The following TTN variants were observed in gnomAD, a reference collection of about 807,000 sequenced individuals.
TTN encodes connectin.
In TTN, 1,525 loss-of-function variants were observed where a neutral mutation model predicts 3,223.0. The observed-to-expected ratio is 0.47, with a 90% CI of 0.45 to 0.49. TTN has a LOEUF of 0.49. Ranked by LOEUF, TTN falls within the 20% of genes least tolerant of loss-of-function variation. The pLI is 0.00. For missense variants in TTN, 40,786 were observed against 43,424.0 expected, an observed-to-expected ratio of 0.94 and a Z score of 5.40; for synonymous variants, 14,094 against 15,161.0, an observed-to-expected ratio of 0.93 and a Z score of 5.17.
intron 47 of TTN, chr2:178,745,512 T>A (rs955842490): frequency 2.0e-5 from 31 of 1,585,080 alleles, no homozygotes; most frequent in Non-Finnish European, 2.6e-5. Flanking sequence ...GTTTATTAGA[T>A]CCACATAATT....
rs773463426 is a variant in TTN, at chr2:178,729,524, A to G, written c.18632T>C (p.Val6211Ala). 1 of 1,613,462 alleles carries G rather than the reference A, an allele frequency of 6.2e-7. No individual in the cohort carries two copies. Among genetic ancestry groups the G allele is most frequent in the Admixed American group, 1.7e-5 (1 of 59,972 alleles). ...CTCCAGCTCCACGTCACTATATTTT[A>G]CTACCTCCACAGGCTTCAGCTCTCT... ...FIRELKPVEV[V>A]KYSDVELECE... Residue 6211 changes from valine (V) to alanine (A), a missense_variant, in exon 64 of 363, where the codon GTA (valine) becomes GCA (alanine). By Grantham distance (64) the Val-to-Ala change is moderately conservative (BLOSUM62 0). Coordinates refer to ENST00000589042, the MANE Select transcript of TTN (RefSeq NM_001267550.2).
In TTN at chr2:178,728,715, A is replaced by T. The variant is rs761417755; in HGVS notation, c.19211T>A (p.Leu6404Ter). 6.2e-7 allele frequency: 1 copy of T among 1,612,652 alleles called. No individual in the cohort carries two copies. Among genetic ancestry groups the T allele is most frequent in the Non-Finnish European group, 8.5e-7 (1 of 1,178,866 alleles). ...TGGTGTTCCAGCCACAACACATTCC[A>T]AGGTCATGGGATCTTTCTCCGTAAC... ...VDVTEKDPMT[L>*]ECVVAGTPEL... Residue 6404 changes from leucine (L) to a stop codon, truncating the protein, a stop_gained, in exon 66 of 363, where the codon TTG becomes TAG. Coordinates refer to ENST00000589042, the MANE Select transcript of TTN (RefSeq NM_001267550.2). LOFTEE classifies it high-confidence loss of function.
Position 178,741,893 on chromosome 2 carries a change from C to T in TTN, c.11340G>A (p.Glu3780=). The T allele has an allele frequency of 1.3e-6, 2 of 1,558,302 alleles. No homozygotes were observed. Among genetic ancestry groups the T allele is most frequent in the Non-Finnish European group, 8.7e-7 (1 of 1,150,810 alleles). ...GTTCGGCGCTATGAAGTCCTTCTTC[C>T]TCGGCAGACAGAAAAGAACTAGAAA... ...KEFSSSFLSA[E]EEGLHSAELQ... is the part of the protein sequence containing the mutation. Residue 3780 remains glutamate (E), a synonymous_variant, in exon 48 of 363, where the codon GAG becomes GAA. Coordinates refer to ENST00000589042, the MANE Select transcript of TTN (RefSeq NM_001267550.2).
Position 178,582,941 on chromosome 2 carries a change from T to TAACA in TTN, c.65858_65861dup (p.Leu21954PhefsTer4). ...ATTCCAATGAAGTTTATTAGTTACC[T>TAACA]AACACTTTAAGCTTAATGGTGGCTG... On this transcript the variant is annotated frameshift_variant and splice_region_variant, in exon 313 of 363. Transcript: ENST00000589042. LOFTEE classifies it high-confidence loss of function. 1 of 1,504,932 alleles carries TAACA rather than the reference T, an allele frequency of 6.6e-7. No homozygotes were observed. Among genetic ancestry groups the TAACA allele is most frequent in the African/African-American group, 1.4e-5 (1 of 71,792 alleles). The allele number at this position is 1,504,932 out of a possible 1,614,324, so 93.2% of individuals were successfully genotyped here.
In TTN at chr2:178,612,436, C is replaced by T. The variant is rs1553698627; in HGVS notation, c.50089G>A (p.Gly16697Ser). 1 of 1,612,544 alleles carries T rather than the reference C, an allele frequency of 6.2e-7. No individual in the cohort carries two copies. The highest frequency in any genetic ancestry group is 1.7e-5 in the Admixed American group (1 of 59,918). Residue 16697 changes from glycine (G) to serine (S), a missense_variant, in exon 266 of 363, where the codon GGC becomes AGC. By Grantham distance (56) the Gly-to-Ser change is moderately conservative. Transcript: ENST00000589042. The stretch of plus-strand genomic sequence containing the variant: ...ACAGTGGTATCCACTGTTTGCCAGC[C>T]TTTTCGCCTGACGTCTCTCTTTTCC... ...IVEKRDVRRK[G>S]WQTVDTTVKD...
At position 178,771,268 on chromosome 2, in the gene TTN, C is replaced by T. The variant is rs1396688224; in HGVS notation, c.8059G>A (p.Gly2687Arg). 1 of 1,613,898 alleles carries T rather than the reference C, an allele frequency of 6.2e-7. No homozygotes were observed. The highest frequency in any genetic ancestry group is 8.5e-7 in the Non-Finnish European group (1 of 1,179,998). The change falls in exon 34 of 363, where the codon GGA becomes AGA. Residue 2687 changes from glycine to arginine, a missense_variant. Gly to Arg is a moderately radical substitution (Grantham distance 125). Transcript: ENST00000589042. ...IIAATKLDDI[G>R]EYTYKVATSK... ...GTGGCCACCTTGTAGGTATATTCTC[C>T]AATGTCATCTAATTTGGTGGCAGCA... is the stretch of plus-strand genomic sequence containing the variant.
At position 178,534,070 on chromosome 2, in the gene TTN, T is replaced by G. The variant is rs1348175807; in HGVS notation, c.102545A>C (p.Lys34182Thr). 1.9e-6 allele frequency: 3 copies of G among 1,613,966 alleles called. No individual in the cohort carries two copies. Among genetic ancestry groups the G allele is most frequent in the Non-Finnish European group, 2.5e-6 (3 of 1,179,848 alleles). ...FGVRQLENSE[K>T]YEITYEDGVA... ...TCCATCTTCGTAGGTGATTTCGTAT[T>G]TCTCACTGTTCTCCAGCTGTCGGAC... The change falls in exon 358 of 363, where the codon AAA (lysine) becomes ACA (threonine). Residue 34182 changes from lysine (K) to threonine (T), a missense_variant. Lys to Thr is a moderately conservative substitution (Grantham distance 78, BLOSUM62 -1). Coordinates refer to ENST00000589042, the MANE Select transcript of TTN (RefSeq NM_001267550.2).
Position 178,599,589 on chromosome 2 carries a change from C to G in TTN, c.56312G>C (p.Gly18771Ala). Reference sequence around the variant, plus strand: ...CAGTCTCATCTCCTTTGATGCTGTTCCCAGATTATTTACAGCTGTGATGGT... The same window carrying G: ...CAGTCTCATCTCCTTTGATGCTGTTGCCAGATTATTTACAGCTGTGATGGT... ...LYTITAVNNL[G>A]TASKEMRLNV... is the part of the protein sequence containing the mutation. The change falls in exon 289 of 363, where the codon GGA (glycine) becomes GCA (alanine). Residue 18771 changes from glycine to alanine, a missense_variant. Physicochemically the swap from Gly to Ala is moderately conservative, Grantham distance 60. Coordinates refer to ENST00000589042, the MANE Select transcript of TTN (RefSeq NM_001267550.2). 1 of 1,596,538 alleles carries G rather than the reference C, an allele frequency of 6.3e-7. No individual in the cohort carries two copies. The highest frequency in any genetic ancestry group is 8.5e-7 in the Non-Finnish European group (1 of 1,170,366).
intron 326 of TTN, 139 bp downstream of exon 326, chr2:178,559,172 C>T: frequency 2.8e-6 from 2 of 707,904 alleles, no homozygotes; most frequent in Non-Finnish European, 4.4e-6. Context: ...CCATTTTGTG[C>T]CATAGTATGA....
intron 88 of TTN, among the ~76,000 whole-genome samples, chr2:178,716,513 A>G (rs1355541587): frequency 6.6e-6 from 1 of 152,280 alleles, no homozygotes; most frequent in South Asian, 2.1e-4. Context: ...TGAGTGAACT[A>G]TTTAATTTCT....
chr2:178,747,843 C>G, intron 47 of TTN: 2 of 1,612,958 alleles, frequency 1.2e-6, no homozygotes, highest in Non-Finnish European at 1.7e-6. Flanking sequence ...TCTCCAGAGG[C>G]ATGAATGTTT....
Position 178,722,355 on chromosome 2 carries a change from T to C in TTN, c.22432A>G (p.Ile7478Val), listed in dbSNP as rs1191020503. 10 of 1,613,162 alleles carry C rather than the reference T, an allele frequency of 6.2e-6. No individual in the cohort carries two copies. Among genetic ancestry groups the C allele is most frequent in the Non-Finnish European group, 8.5e-6 (10 of 1,179,528 alleles). ...SFVDNVATLK[I>V]LQTDLSHSGQ... ...GAGTGACTCAAGTCAGTTTGCAAAA[T>C]TTTTAAAGTTGCCACATTATCTACA... is the stretch of plus-strand genomic sequence containing the variant. Residue 7478 changes from isoleucine to valine, a missense_variant, in exon 77 of 363, where the codon ATT (isoleucine) becomes GTT (valine). Physicochemically the swap from Ile to Val is conservative, Grantham distance 29. Coordinates refer to ENST00000589042, the MANE Select transcript of TTN (RefSeq NM_001267550.2).
chr2:178,586,436 T>C, intron 308 of TTN, 69 bp downstream of exon 308: 1 of 1,559,722 alleles, frequency 6.4e-7, no homozygotes, highest in Non-Finnish European at 8.7e-7. Flanking sequence ...CAGGGAGAAA[T>C]GTCTACATAT....
Position 178,573,765 on chromosome 2 carries a change from G to T in TTN, c.72367C>A (p.Pro24123Thr). ...GCCAAAGGTCCTTCAGGTGGGCCTG[G>T]TCTGTCAAGAACTTTGACATTGAAA... ...HIFNVKVLDRPGPPEGPLAVT... is the reference protein window; with the variant it reads ...HIFNVKVLDRTGPPEGPLAVT... The change falls in exon 326 of 363, where the codon CCA becomes ACA. Residue 24123 changes from proline (P) to threonine (T), a missense_variant. Transcript: ENST00000589042. 1 of 1,600,704 alleles carries T rather than the reference G, an allele frequency of 6.2e-7. No individual in the cohort carries two copies. Among genetic ancestry groups the T allele is most frequent in the Non-Finnish European group, 8.5e-7 (1 of 1,173,036 alleles).
rs1354467529 is a variant in TTN, at chr2:178,784,060, A to G, written c.2775+10T>C. The G allele has an allele frequency of 6.2e-7, 1 of 1,612,490 alleles. No homozygotes were observed. The highest frequency in any genetic ancestry group is 8.5e-7 in the Non-Finnish European group (1 of 1,179,894). On this transcript the variant is annotated intron_variant, in intron 16 of 362. Coordinates refer to ENST00000589042, the MANE Select transcript of TTN (RefSeq NM_001267550.2). ...GTGGACCATGTAACAGCGGGTAACC[A>G]GTGACCAACCTTGGCTTCGCGTCCG...
rs397517578 is a variant in TTN at position 178,624,688 on chromosome 2, G to C, written c.44592C>G (p.Val14864=). The C allele has an allele frequency of 3.7e-6, 6 of 1,612,080 alleles. No individual in the cohort carries two copies. Among genetic ancestry groups the C allele is most frequent in the Non-Finnish European group, 5.1e-6 (6 of 1,178,982 alleles). The change falls in exon 242 of 363, where the codon GTC becomes GTG. Residue 14864 remains valine (V), a synonymous_variant. Coordinates refer to ENST00000589042, the MANE Select transcript of TTN (RefSeq NM_001267550.2). ...CCAGCACTGCAGTGGCTCCCTCTTC[G>C]ACCGTCTGGTCCTCAAGAGGCTTAG... The part of the protein sequence containing the change: ...EFTKPLEDQT[V]EEGATAVLEC...
intron 47 of TTN, chr2:178,749,181 T>G (rs762170975): frequency 3.1e-6 from 5 of 1,611,526 alleles, no homozygotes; most frequent in Non-Finnish European, 4.2e-6. Flanking sequence ...ACATTTTCCT[T>G]TTCTGATCTA....
intron 46 of TTN, among the ~76,000 whole-genome samples, chr2:178,755,116 C>T: frequency 6.6e-6 from 1 of 152,110 alleles, no homozygotes; most frequent in Non-Finnish European, 1.5e-5. Flanking sequence ...CTCAGTGAAG[C>T]TGTTTTGACT....
rs1197133934 is a variant in TTN at position 178,613,379 on chromosome 2, G to A, written c.49533-103C>T. On this transcript the variant is annotated intron_variant, in intron 263 of 362. Coordinates refer to ENST00000589042, the MANE Select transcript of TTN (RefSeq NM_001267550.2). The stretch of plus-strand genomic sequence containing the variant: ...ACTAATTTATTTAAATTGTGAAAAG[G>A]TGATTTGGAAATTTAACTGAAAAGC... 4.0e-6 allele frequency: 4 copies of A among 1,002,098 alleles called. No homozygotes were observed. The East Asian group carries it at 8.0e-5, about 20-fold the overall frequency. The allele number at this position is 1,002,098 out of a possible 1,614,324, so 62.1% of individuals were successfully genotyped here. A position where few individuals can be genotyped will look rare whatever the true frequency, so the allele number is the denominator to read the frequency against.
Sources: gnomAD v4.1 joint callset for allele counts (sites outside exome capture counted in the v4.1 genomes callset) on GRCh38, gnomAD v4.1.1 for gene constraint, MANE v1.5 for transcripts, NCBI Gene and HGNC (gene_info 2026-07-23, HGNC 2026-07-21) for gene names.